LYN: variants seen among roughly 807,000 people sequenced by gnomAD.
LYN encodes the protein LYN proto-oncogene, Src family tyrosine kinase, also known as tyrosine-protein kinase Lyn.
A neutral mutation model predicts 65.0 loss-of-function variants in LYN; 12 were observed. The observed-to-expected ratio is 0.18, with a 90% confidence interval of 0.12 to 0.30. The LOEUF (loss-of-function observed/expected upper bound fraction) is 0.30, where lower values mean the gene tolerates loss of function less well. LYN is among the 10% of genes least tolerant of loss of function. LYN has a pLI of 1.00. For missense variants in LYN, 380 were observed against 623.2 expected (o/e 0.61, Z 4.16); for synonymous variants, 222 against 221.2 (o/e 1.00, Z -0.03).
chr8:55,901,328 C>A (rs1805255200), intron 1 of LYN, among the ~76,000 whole-genome samples: 1 of 152,192 alleles, frequency 6.6e-6, no homozygotes, highest in African/African-American at 2.4e-5. Flanking sequence ...TCAGATGATT[C>A]TTTAAGCAAA....
At chr8:55,943,142 T>TGAACAATTATAACCTGAAATCTAC (rs1291370296) in intron 2 of LYN, among the ~76,000 whole-genome samples, 3 of 152,198 alleles carry the variant, frequency 2.0e-5, no homozygotes, top group Non-Finnish European at 1.5e-5. Context: ...AACAGAGCTT[T>TGAACAATTATAACCTGAAATCTAC]GAACAATTAT....
chr8:55,989,035 G>A (rs184796975), intron 10 of LYN, among the ~76,000 whole-genome samples: 2 of 152,332 alleles, frequency 1.3e-5, no homozygotes, highest in African/African-American at 4.8e-5. Context: ...TTCATTATTT[G>A]TCCAAAGCAT....
chr8:55,982,977 T>C (rs1222791787), intron 10 of LYN, among the ~76,000 whole-genome samples: 1 of 152,006 alleles, frequency 6.6e-6, no homozygotes, highest in South Asian at 2.1e-4. Flanking sequence ...CTCCCCTAGC[T>C]TGGAGACACT....
At chr8:55,972,343 G>A (rs62515388) in intron 10 of LYN, among the ~76,000 whole-genome samples, 10,562 of 152,186 alleles carry the variant, frequency 0.069, 556 homozygotes, top group South Asian at 0.22. Context: ...AGGTGGCGCT[G>A]GTGAGACCAC....
At chr8:55,928,407 A>G (rs1479154194) in intron 1 of LYN, among the ~76,000 whole-genome samples, 2 of 152,176 alleles carry the variant, frequency 1.3e-5, no homozygotes, top group Non-Finnish European at 2.9e-5. Flanking sequence ...TGGCCTCCCA[A>G]AGTGCTGGGA....
intron 7 of LYN, among the ~76,000 whole-genome samples, chr8:55,953,241 A>G (rs1281619075): frequency 1.3e-5 from 2 of 152,166 alleles, no homozygotes; most frequent in African/African-American, 2.4e-5. Context: ...ACCACATTTT[A>G]TTAAGTGTGA....
intron 10 of LYN, among the ~76,000 whole-genome samples, chr8:55,989,858 C>T (rs1808193914): frequency 1.3e-5 from 2 of 152,128 alleles, no homozygotes; most frequent in South Asian, 4.1e-4. Flanking sequence ...TAAATCAGTA[C>T]ACAGAAGGTG....
chr8:55,889,039 A>G (rs148406773), intron 1 of LYN, among the ~76,000 whole-genome samples: 1 of 152,068 alleles, frequency 6.6e-6, no homozygotes. Context: ...ATGTTTTGAG[A>G]TGGGGTCTCA....
intron 1 of LYN, among the ~76,000 whole-genome samples, chr8:55,904,454 T>A (rs2130389058): frequency 6.6e-6 from 1 of 152,356 alleles, no homozygotes; most frequent in African/African-American, 2.4e-5. Flanking sequence ...TGAGCATTTT[T>A]TCTGTTCTGA....
intron 10 of LYN, among the ~76,000 whole-genome samples, chr8:55,994,954 CCTTT>C (rs1306738049): frequency 6.6e-6 from 1 of 152,162 alleles, no homozygotes; most frequent in African/African-American, 2.4e-5. Context: ...ATCGTACACT[CCTTT>C]CTTTCACACA....
Position 55,889,060 on chromosome 8 carries a change from C to G in LYN, c.-6+8957C>G, listed in dbSNP as rs560254318. ...TGAGATGGGGTCTCACTCTGTCGCC[C>G]AGGCTGAAGTGCAGTGGTGCTATCT... On this transcript the variant is annotated intron_variant, in intron 1 of 12. Transcript: ENST00000519728. Among the ~76,000 whole-genome samples, 9 of 152,300 alleles carry G rather than the reference C, an allele frequency of 5.9e-5. No homozygotes were observed. In the South Asian group the frequency reaches 1.9e-3, roughly 32 times the overall value.
chr8:55,931,454 T>A (rs961328256), intron 1 of LYN, among the ~76,000 whole-genome samples: 3 of 151,122 alleles, frequency 2.0e-5, no homozygotes, highest in African/African-American at 7.3e-5. Context: ...AAATTATACA[T>A]ATATGTATAT....
chr8:55,935,779 C>CAAAA (rs59848254), intron 1 of LYN, among the ~76,000 whole-genome samples: 96 of 93,846 alleles, frequency 1.0e-3, no homozygotes, highest in Non-Finnish European at 1.5e-3. Context: ...AGACTCCATC[C>CAAAA]AAAAAAAAAA....
chr8:55,917,873 A>T (rs1805823771), intron 1 of LYN, among the ~76,000 whole-genome samples: 1 of 152,252 alleles, frequency 6.6e-6, no homozygotes, highest in East Asian at 1.9e-4. Flanking sequence ...TGTTTGTCAA[A>T]CATGACTGTG....
At chr8:55,930,950 T>A (rs919061221) in intron 1 of LYN, among the ~76,000 whole-genome samples, 5 of 152,106 alleles carry the variant, frequency 3.3e-5, no homozygotes, top group African/African-American at 1.2e-4. Context: ...CATGCATGGC[T>A]ACTCTCTAAG....
intron 10 of LYN, among the ~76,000 whole-genome samples, chr8:55,991,039 T>C (rs1366014422): frequency 6.6e-6 from 1 of 152,098 alleles, no homozygotes; most frequent in Non-Finnish European, 1.5e-5. Context: ...TACCAACAAA[T>C]AGAGACACGC....
chr8:55,910,546 A>G (rs1805570089), intron 1 of LYN, among the ~76,000 whole-genome samples: 1 of 152,120 alleles, frequency 6.6e-6, no homozygotes, highest in Admixed American at 6.6e-5. Context: ...TTTGGTGACT[A>G]TATCCTTGCA....
intron 1 of LYN, chr8:55,902,806 A>G: frequency 2.0e-6 from 1 of 510,216 alleles, no homozygotes; most frequent in Non-Finnish European, 3.9e-6. Flanking sequence ...CACATTAACT[A>G]TTTTTGGACA....
At chr8:55,955,646 G>A (rs533907070) in intron 8 of LYN, among the ~76,000 whole-genome samples, 5 of 152,196 alleles carry the variant, frequency 3.3e-5, no homozygotes, top group African/African-American at 9.6e-5. Flanking sequence ...TTATCATCCC[G>A]AAAGGAAACA....
Sources: allele counts gnomAD v4.1 joint callset (sites outside exome capture counted in the v4.1 genomes callset), GRCh38; gene constraint gnomAD v4.1.1; transcripts MANE v1.5; gene names NCBI Gene and HGNC (gene_info 2026-07-23, HGNC 2026-07-21).